Variants in ZFHX3 observed in about 807,000 individuals in gnomAD.
ZFHX3 encodes zinc finger homeobox protein 3.
ZFHX3 carries 42 observed loss-of-function variants against 279.1 expected under a neutral mutation model. That is an observed-to-expected ratio of 0.15 (90% CI 0.12 to 0.19). The LOEUF (loss-of-function observed/expected upper bound fraction) is 0.19. ZFHX3 is among the 10% of genes least tolerant of loss of function. The pLI is 1.00. For missense variants in ZFHX3, 4,981 were observed against 4,754.0 expected, an observed-to-expected ratio of 1.05 and a Z score of -1.40; for synonymous variants, 2,293 against 1,957.8, an observed-to-expected ratio of 1.17 and a Z score of -4.52.
chr16:73,783,042 G>A (rs1765495874), intron 1 of ZFHX3, among the ~76,000 whole-genome samples: 1 of 152,140 alleles, frequency 6.6e-6, no homozygotes, highest in African/African-American at 2.4e-5. Context: ...TTGCCAGAGA[G>A]AGAGGGGGGC....
rs542156633 is a variant in ZFHX3 at position 72,849,860 on chromosome 16, CAAAAAAAAAAAAAAAAAAAAA to C, written c.3449-20022_3449-20002del. Among the ~76,000 whole-genome samples the C allele has an allele frequency of 8.5e-3, 483 of 56,518 alleles. 7 individuals carry two copies. The highest frequency in any genetic ancestry group is 0.038 in the South Asian group (35 of 932). The allele number at this position is 56,518 out of a possible 152,430, so 37.1% of individuals were successfully genotyped here. A position where few individuals can be genotyped will look rare whatever the true frequency, so the allele number is the denominator to read the frequency against. Reference sequence around the variant, plus strand: ...TCTCTGCCACTTGGAGTTCACCTACCAAAAAAAAAAAAAAAAAAAAAAAAAAAAAAAAAAAAAAAAAAAAAA... The same window carrying C: ...TCTCTGCCACTTGGAGTTCACCTACCAAAAAAAAAAAAAAAAAAAAAAAAA... On this transcript the variant is annotated intron_variant, in intron 4 of 9. Coordinates refer to ENST00000268489, the MANE Select transcript of ZFHX3 (RefSeq NM_006885.4).
intron 3 of ZFHX3, among the ~76,000 whole-genome samples, chr16:72,935,273 C>G (rs1351495847): frequency 5.3e-5 from 8 of 151,994 alleles, no homozygotes; most frequent in Non-Finnish European, 1.2e-4. Context: ...GTTCTGCCAC[C>G]AAAAATGTGG....
chr16:73,406,830 A>G (rs1480681043), intron 3 of ZFHX3, among the ~76,000 whole-genome samples: 2 of 152,148 alleles, frequency 1.3e-5, no homozygotes, highest in Non-Finnish European at 1.5e-5. Flanking sequence ...AAGAGTTGGG[A>G]ATGTATTTTC....
intron 5 of ZFHX3, among the ~76,000 whole-genome samples, chr16:73,205,853 A>G (rs2011777397): frequency 6.6e-6 from 1 of 152,184 alleles, no homozygotes; most frequent in Admixed American, 6.5e-5. Flanking sequence ...GCTGGCTTCT[A>G]TTGTTCCTTC....
chr16:73,417,396 C>CT (rs57283343), intron 3 of ZFHX3, among the ~76,000 whole-genome samples: 74,950 of 118,686 alleles, frequency 0.63, 25,789 homozygotes, highest in Non-Finnish European at 0.76. Flanking sequence ...TTTTTCTTTT[C>CT]TTTTTTTTTT....
intron 1 of ZFHX3, among the ~76,000 whole-genome samples, chr16:73,751,617 AAAAAT>A (rs1343385063): frequency 6.6e-6 from 1 of 152,230 alleles, no homozygotes; most frequent in Non-Finnish European, 1.5e-5. Context: ...TTTTTTAAAT[AAAAAT>A]AAAATGATTT....
chr16:73,831,996 G>A (rs570766073), intron 1 of ZFHX3, among the ~76,000 whole-genome samples: 2 of 152,304 alleles, frequency 1.3e-5, no homozygotes, highest in Admixed American at 1.3e-4. Context: ...TGCCGCCCGG[G>A]TTCCAGGGAT....
In ZFHX3 at chr16:73,369,066, T is replaced by C. The variant is rs76762241; in HGVS notation, c.-1290-50730A>G. The stretch of plus-strand genomic sequence containing the variant: ...TAATTATACTAGGTTTTTGTGAGGA[T>C]TGAGATGAGCGAGAAAAGCTCAGAA... On this transcript the variant is annotated intron_variant, in intron 3 of 17. Coordinates refer to the ZFHX3 transcript ENST00000641206. 1.8e-3 allele frequency among the ~76,000 whole-genome samples: 269 copies of C among 152,308 alleles called. 7 individuals are homozygous for C. The East Asian group carries it at 0.045, about 25-fold the overall frequency.
rs138883186 is a variant in ZFHX3 at position 73,814,161 on chromosome 16, T to C, written c.-1608+77490A>G. On this transcript the variant is annotated intron_variant, in intron 1 of 17. Transcript: ENST00000641206. Reference sequence around the variant, plus strand: ...GATCTGTACCTTCCATTTTTTTCATTAGCTTTTATATTTTAAGTGAAATCA... The same window carrying C: ...GATCTGTACCTTCCATTTTTTTCATCAGCTTTTATATTTTAAGTGAAATCA... Among the ~76,000 whole-genome samples the C allele has an allele frequency of 2.0e-5, 3 of 152,290 alleles. No individual in the cohort carries two copies. In the East Asian group the frequency reaches 5.8e-4, roughly 29 times the overall value.
intron 1 of ZFHX3, among the ~76,000 whole-genome samples, chr16:73,709,778 A>G (rs549265653): frequency 6.6e-6 from 1 of 152,284 alleles, no homozygotes; most frequent in South Asian, 2.1e-4. Flanking sequence ...AAATGTTCTC[A>G]CCCCACACGA....
chr16:72,943,229 T>C (rs1333964586), intron 3 of ZFHX3, among the ~76,000 whole-genome samples: 1 of 152,182 alleles, frequency 6.6e-6, no homozygotes, highest in Non-Finnish European at 1.5e-5. Context: ...ACAAAAAATA[T>C]ATTCCTGAAA....
intron 3 of ZFHX3, among the ~76,000 whole-genome samples, chr16:72,942,536 T>C (rs1050197172): frequency 2.6e-5 from 4 of 152,184 alleles, no homozygotes; most frequent in African/African-American, 7.2e-5. Context: ...TGGTAGCTAT[T>C]AGACTTTCTG....
chr16:73,622,825 C>A (rs974244655), intron 2 of ZFHX3, among the ~76,000 whole-genome samples: 1 of 152,116 alleles, frequency 6.6e-6, no homozygotes, highest in Non-Finnish European at 1.5e-5. Context: ...ACTCGCTCTG[C>A]GAATTTCCCT....
chr16:73,291,064 T>C (rs2014756319), intron 4 of ZFHX3, among the ~76,000 whole-genome samples: 2 of 152,316 alleles, frequency 1.3e-5, no homozygotes, highest in South Asian at 4.1e-4. Context: ...TGACCTCGCC[T>C]GCCACAACAA....
chr16:73,389,279 G>A (rs187845474), intron 3 of ZFHX3: 16 of 152,138 alleles, frequency 1.1e-4, no homozygotes, highest in Non-Finnish European at 1.6e-4. Flanking sequence ...TTTGTGTATC[G>A]TCTGGCTGCT....
chr16:73,214,488 G>C (rs2012129509), intron 5 of ZFHX3, among the ~76,000 whole-genome samples: 1 of 152,106 alleles, frequency 6.6e-6, no homozygotes, highest in South Asian at 2.1e-4. Context: ...CAGACTAGAT[G>C]CATCAGAGCC....
intron 1 of ZFHX3, among the ~76,000 whole-genome samples, chr16:73,768,086 A>C (rs989993443): frequency 6.6e-6 from 1 of 152,144 alleles, no homozygotes; most frequent in Non-Finnish European, 1.5e-5. Context: ...GGTCAAAGTG[A>C]TGCTACCAAC....
At chr16:73,655,781 C>A (rs8053522) in intron 2 of ZFHX3, among the ~76,000 whole-genome samples, 124,687 of 152,060 alleles carry the variant, frequency 0.82, 52,318 homozygotes, top group East Asian at 0.97. Context: ...AACAAAAAAA[C>A]CACCTTGCAA....
At chr16:73,535,799 T>C (rs2019890590) in intron 2 of ZFHX3, among the ~76,000 whole-genome samples, 1 of 148,206 alleles carries the variant, frequency 6.7e-6, no homozygotes, top group Admixed American at 6.8e-5. Context: ...CTCGGCTCAC[T>C]GCAACCTCCA....
Sources: allele counts gnomAD v4.1 joint callset (sites outside exome capture counted in the v4.1 genomes callset), GRCh38; gene constraint gnomAD v4.1.1; transcripts MANE v1.5; gene names NCBI Gene and HGNC (gene_info 2026-07-23, HGNC 2026-07-21).